The following PRH1 variants were observed in gnomAD, a reference collection of about 807,000 sequenced individuals.
The protein encoded by PRH1 is salivary acidic proline-rich phosphoprotein 1/2.
In PRH1, 7 loss-of-function variants were observed where a neutral mutation model predicts 7.9. The observed-to-expected ratio is 0.89, with a 90% CI of 0.50 to 1.67. The LOEUF (loss-of-function observed/expected upper bound fraction) is 1.67. Ranked by LOEUF, PRH1 falls within the 40% of genes most tolerant of loss-of-function variation. PRH1 has a pLI of 0.00. For synonymous variants in PRH1, 45 were observed against 80.8 expected (o/e 0.56, Z 2.38); for missense variants, 109 against 223.6 (o/e 0.49, Z 3.27).
intron 1 of PRH1, among the ~76,000 whole-genome samples, chr12:11,136,869 G>C (rs1018004064): frequency 1.3e-5 from 2 of 152,130 alleles, no homozygotes; most frequent in African/African-American, 4.8e-5. Flanking sequence ...AAATGAAAAT[G>C]TGAGCCAGGC....
intron 1 of PRH1, among the ~76,000 whole-genome samples, chr12:11,002,737 A>G (rs1368224374): frequency 1.3e-5 from 2 of 152,046 alleles, no homozygotes; most frequent in Non-Finnish European, 2.9e-5. Context: ...ATTACACTAA[A>G]TATGTTTTAT....
intron 1 of PRH1, among the ~76,000 whole-genome samples, chr12:11,074,047 T>C (rs1264023942): frequency 1.6e-5 from 2 of 126,494 alleles, no homozygotes; most frequent in African/African-American, 5.4e-5. Context: ...GAGGGGACTA[T>C]ATTGGACACA....
At chr12:11,022,568 T>G in intron 1 of PRH1, 1 of 1,601,794 alleles carries the variant, frequency 6.2e-7, no homozygotes, top group Non-Finnish European at 8.5e-7. Context: ...AGAAAACACA[T>G]CATGTTTGAA....
At chr12:11,075,293 G>A (rs73062929) in intron 1 of PRH1, among the ~76,000 whole-genome samples, 45,409 of 93,962 alleles carry the variant, frequency 0.48, 7,730 homozygotes, top group Non-Finnish European at 0.58. Flanking sequence ...TAACCAGCTA[G>A]AAAATATCAT....
chr12:10,907,180 C>T (rs1408142582), intron 2 of PRH1, among the ~76,000 whole-genome samples: 1 of 152,152 alleles, frequency 6.6e-6, no homozygotes, highest in Non-Finnish European at 1.5e-5. Flanking sequence ...CTATAGAACT[C>T]TGGCAGTTTT....
At chr12:11,036,217 C>T (rs1942429811) in intron 1 of PRH1, among the ~76,000 whole-genome samples, 1 of 151,436 alleles carries the variant, frequency 6.6e-6, no homozygotes, top group African/African-American at 2.4e-5. Context: ...TAGCAGAAAT[C>T]AAAACTTCTT....
rs79623088 is a variant in PRH1 at position 10,958,253 on chromosome 12, T to C, written c.-59+15402A>G. On this transcript the variant is annotated intron_variant, in intron 2 of 3. Coordinates refer to the PRH1 transcript ENST00000539853. The stretch of plus-strand genomic sequence containing the variant: ...GTCATTAGAAAAAAACAAGATGATG[T>C]AGCAATATGGGTGGAGCTGGAGGCC... 4.0e-3 allele frequency among the ~76,000 whole-genome samples: 608 copies of C among 152,106 alleles called. 2 individuals carry two copies. Among genetic ancestry groups the C allele is most frequent in the African/African-American group, 0.014 (578 of 41,524 alleles).
chr12:10,950,370 A>G (rs2135912396), intron 2 of PRH1, among the ~76,000 whole-genome samples: 1 of 152,216 alleles, frequency 6.6e-6, no homozygotes, highest in Non-Finnish European at 1.5e-5. Context: ...TGCCCTTTTC[A>G]AAATTAGAAA....
At chr12:11,032,083 G>A (rs997029172) in intron 1 of PRH1, among the ~76,000 whole-genome samples, 20 of 152,154 alleles carry the variant, frequency 1.3e-4, no homozygotes, top group African/African-American at 4.1e-4. Flanking sequence ...TTCATTCACT[G>A]TCTGTTCTTG....
chr12:11,028,664 AG>A (rs1221279945), intron 1 of PRH1, among the ~76,000 whole-genome samples: 3 of 152,244 alleles, frequency 2.0e-5, no homozygotes, highest in African/African-American at 7.2e-5. Flanking sequence ...AATTGACAAT[AG>A]AAAAAAATAC....
rs189745791 is a variant in PRH1 at position 11,056,945 on chromosome 12, T to G, written n.124-9757A>C. Among the ~76,000 whole-genome samples, 100 of 152,400 alleles carry G rather than the reference T, an allele frequency of 6.6e-4. 1 individual carries two copies. The highest frequency in any genetic ancestry group is 2.6e-3 in the Admixed American group (40 of 15,310). ...TTTGCTATAGGCAGGAACCAAAGAT[T>G]GTTAATTATTGATTTGAACCTGTTT... On this transcript the variant is annotated intron_variant and non_coding_transcript_variant, in intron 1 of 4. Coordinates refer to the PRH1 transcript ENST00000541977.
intron 1 of PRH1, chr12:10,997,223 T>A: frequency 6.2e-7 from 1 of 1,614,064 alleles, no homozygotes; most frequent in Non-Finnish European, 8.5e-7. Flanking sequence ...GGTGCTGGGA[T>A]CTTGAGATCC....
intron 1 of PRH1, among the ~76,000 whole-genome samples, chr12:11,104,180 GT>G (rs1324938636): frequency 1.6e-5 from 1 of 64,252 alleles, no homozygotes; most frequent in Non-Finnish European, 3.2e-5. Flanking sequence ...AAATGAAAGA[GT>G]AAAAAAAAAA....
intron 1 of PRH1, among the ~76,000 whole-genome samples, chr12:11,098,377 T>A (rs1365373192): frequency 6.6e-6 from 1 of 152,080 alleles, no homozygotes; most frequent in African/African-American, 2.4e-5. Context: ...ACATTCTTAT[T>A]TTCAAACAAC....
intron 2 of PRH1, among the ~76,000 whole-genome samples, chr12:10,927,141 G>A (rs184525930): frequency 9.2e-5 from 14 of 152,314 alleles, no homozygotes; most frequent in Non-Finnish European, 1.3e-4. Flanking sequence ...CCTGAGCTGA[G>A]CGACCTTTAG....
rs745611665 is a variant in PRH1 at position 10,882,419 on chromosome 12, C to T, written c.380G>A (p.Gly127Glu). ...QQGGHPPPPQ[G>E]RPQGPPQQGG... ...CTGTTGGGGTGGTCCTTGTGGCCTT[C>T]CTTGAGGAGGAGGGGGATGGCCTCC... The change falls in exon 3 of 4, where the codon GGA becomes GAA. Residue 127 changes from glycine to glutamate, a missense_variant. Physicochemically the swap from Gly to Glu is moderately conservative, Grantham distance 98. Transcript: ENST00000543626. The T allele has an allele frequency of 6.2e-7, 1 of 1,603,862 alleles. No homozygotes were observed. Among genetic ancestry groups the T allele is most frequent in the Admixed American group, 1.7e-5 (1 of 58,884 alleles).
intron 1 of PRH1, among the ~76,000 whole-genome samples, chr12:11,056,215 G>A (rs1366966501): frequency 2.6e-5 from 4 of 152,230 alleles, no homozygotes; most frequent in Non-Finnish European, 5.9e-5. Flanking sequence ...AAAATACTCA[G>A]CAATTTTATA....
At chr12:11,023,349 A>G (rs1428311493) in intron 1 of PRH1, among the ~76,000 whole-genome samples, 3 of 152,270 alleles carry the variant, frequency 2.0e-5, no homozygotes, top group African/African-American at 7.2e-5. Context: ...TTATTTTCCA[A>G]CTCAGGGCTG....
At chr12:10,937,034 A>G (rs1228612860) in intron 2 of PRH1, among the ~76,000 whole-genome samples, 1 of 152,148 alleles carries the variant, frequency 6.6e-6, no homozygotes, top group Admixed American at 6.6e-5. Flanking sequence ...GATTACGGTT[A>G]CATTCCTTAG....
Sources: gnomAD v4.1 joint callset for allele counts (sites outside exome capture counted in the v4.1 genomes callset) on GRCh38, gnomAD v4.1.1 for gene constraint, MANE v1.5 for transcripts, NCBI Gene and HGNC (gene_info 2026-07-23, HGNC 2026-07-21) for gene names.